Variants in ZNF18 observed in about 807,000 individuals in gnomAD.
ZNF18 encodes zinc finger protein 18.
Under a neutral mutation model 58.1 loss-of-function variants are expected in ZNF18, and 42 were observed. That is an observed-to-expected ratio of 0.72 (90% confidence interval 0.56 to 0.93). The LOEUF (loss-of-function observed/expected upper bound fraction) is 0.93. Among genes scored for constraint, ZNF18 ranks in the 40% least tolerant of loss-of-function variants. The probability of loss-of-function intolerance (pLI) is 0.00; values close to 1 mark genes in which losing one functional copy is unlikely to be tolerated. For synonymous variants in ZNF18, 231 were observed against 239.8 expected (o/e 0.96, Z 0.34); for missense variants, 540 against 644.2 (o/e 0.84, Z 1.75).
chr17:11,990,944 C>T (rs777559579), intron 3 of ZNF18, 30 bp downstream of exon 3: 19 of 1,595,466 alleles, frequency 1.2e-5, no homozygotes, highest in Non-Finnish European at 1.5e-5. Flanking sequence ...AAAATCTCTC[C>T]AAGAGAACAC....
At chr17:11,997,651 A>G (rs756753554), upstream of ZNF18, 2 of 152,256 alleles carry the variant, frequency 1.3e-5, no homozygotes, top group Non-Finnish European at 2.9e-5. Flanking sequence ...AGCCAACGCC[A>G]TCCTCCGTTC....
At chr17:12,020,927 G>A in the ZNF18 span, 2 of 1,217,588 alleles carry the variant, frequency 1.6e-6, no homozygotes, top group Non-Finnish European at 2.0e-6. Flanking sequence ...GGCTCCGGGG[G>A]CGGCAGCGGC....
At chr17:12,018,205 T>A in the ZNF18 span, among the ~76,000 whole-genome samples, 1 of 152,260 alleles carries the variant, frequency 6.6e-6, no homozygotes, top group African/African-American at 2.4e-5. Flanking sequence ...TTAATTGCCT[T>A]CCCGTCTCCC....
At chr17:12,012,398 CTACAAAAATACTA>C in the ZNF18 span, among the ~76,000 whole-genome samples, 47 of 152,260 alleles carry the variant, frequency 3.1e-4, 1 homozygote, top group African/African-American at 1.1e-3. Flanking sequence ...TAATATTTTG[CTACAAAAATACTA>C]TATTCAGTAA....
chr17:11,984,662 A>G (rs1006277508), intron 4 of ZNF18, among the ~76,000 whole-genome samples: 1 of 151,978 alleles, frequency 6.6e-6, no homozygotes, highest in African/African-American at 2.4e-5. Context: ...CTATAGGCAC[A>G]TGCCACCGTG....
chr17:11,991,408 G>C (rs1968121116), intron 2 of ZNF18, among the ~76,000 whole-genome samples: 1 of 152,178 alleles, frequency 6.6e-6, no homozygotes, highest in African/African-American at 2.4e-5. Context: ...GCTTCTACTG[G>C]ATATGCGCCA....
Position 11,992,556 on chromosome 17 carries a change from T to C in ZNF18, c.274A>G (p.Ile92Val). 6.2e-7 allele frequency: 1 copy of C among 1,614,198 alleles called. No homozygotes were observed. The highest frequency in any genetic ancestry group is 8.5e-7 in the Non-Finnish European group (1 of 1,180,026). The change falls in exon 2 of 7, where the codon ATC (isoleucine) becomes GTC (valine). Residue 92 changes from isoleucine to valine, a missense_variant. By Grantham distance (29) the Ile-to-Val change is conservative. Coordinates refer to ENST00000580306, the MANE Select transcript of ZNF18 (RefSeq NM_001303281.2). Reference protein sequence around the residue: ...EILMLEQFLTILPGEIQMWVR... With the variant: ...EILMLEQFLTVLPGEIQMWVR... The stretch of plus-strand genomic sequence containing the variant: ...CACATCTGGATCTCCCCAGGCAGGA[T>C]GGTCAGAAACTGCTCCAACATGAGG...
intron 1 of ZNF18, among the ~76,000 whole-genome samples, chr17:11,994,067 C>T (rs1968314827): frequency 6.6e-6 from 1 of 151,958 alleles, no homozygotes; most frequent in Non-Finnish European, 1.5e-5. Context: ...TGGGTAAATC[C>T]TTAAATGTTA....
the ZNF18 span, among the ~76,000 whole-genome samples, chr17:12,007,454 C>T: frequency 6.6e-6 from 1 of 152,172 alleles, no homozygotes; most frequent in African/African-American, 2.4e-5. Context: ...ACTTTGACCC[C>T]TTGTTAGCTG....
intron 4 of ZNF18, among the ~76,000 whole-genome samples, chr17:11,985,790 A>G (rs1435439821): frequency 1.3e-5 from 2 of 152,210 alleles, no homozygotes; most frequent in African/African-American, 4.8e-5. Context: ...TATTACCATC[A>G]CATGCAGTCT....
At chr17:11,986,587 A>G (rs899159921) in intron 4 of ZNF18, among the ~76,000 whole-genome samples, 2 of 152,232 alleles carry the variant, frequency 1.3e-5, no homozygotes. Flanking sequence ...TTTAATTTTT[A>G]AAGTATAAAC....
the ZNF18 span, chr17:12,020,683 C>T: frequency 2.0e-5 from 7 of 353,252 alleles, no homozygotes; most frequent in East Asian, 2.9e-4. Flanking sequence ...TCACAGGTCG[C>T]GCACCCAGAG....
chr17:12,004,145 C>A, the ZNF18 span, among the ~76,000 whole-genome samples: 4 of 151,698 alleles, frequency 2.6e-5, no homozygotes, highest in Non-Finnish European at 5.9e-5. Flanking sequence ...GCAGGAGAAT[C>A]GCTTGAACCC....
At chr17:11,984,699 G>C (rs1445708835) in intron 4 of ZNF18, among the ~76,000 whole-genome samples, 1 of 152,042 alleles carries the variant, frequency 6.6e-6, no homozygotes. Flanking sequence ...ATTTTTAGTA[G>C]AGATGGGGTT....
intron 5 of ZNF18, 37 bp from the exon 6 acceptor site, chr17:11,983,444 T>C (rs202032742): frequency 7.2e-5 from 110 of 1,519,406 alleles, no homozygotes; most frequent in Admixed American, 1.7e-5. Context: ...CCTGGATGAA[T>C]AGGGAAGACT....
In ZNF18 at chr17:11,978,740, A is replaced by T; in HGVS notation, c.867T>A (p.Asp289Glu). The change falls in exon 7 of 7, where the codon GAT (aspartate) becomes GAA (glutamate). Residue 289 changes from aspartate to glutamate, a missense_variant. Transcript: ENST00000580306. ...EKIPRPTCIG[D>E]RQENDKENLN... ...GGTTCTCCTTGTCATTCTCTTGTCT[A>T]TCTCCTAAAAGAAGAAAGAAGATTT... 1 of 1,581,622 alleles carries T rather than the reference A, an allele frequency of 6.3e-7. No homozygotes were observed. The highest frequency in any genetic ancestry group is 8.5e-7 in the Non-Finnish European group (1 of 1,171,200).
At position 11,978,279 on chromosome 17, in the gene ZNF18, T is replaced by C. The variant is rs550778787; in HGVS notation, c.1328A>G (p.Lys443Arg). The C allele has an allele frequency of 1.9e-6, 3 of 1,607,448 alleles. No individual in the cohort carries two copies. The highest frequency in any genetic ancestry group is 2.5e-6 in the Non-Finnish European group (3 of 1,177,636). ...AAAGTCTGAACTCCGCAGAAAGGCT[T>C]TTTTGCAGATGGTGCACTGAAAGTA... ...ETYFQCTICK[K>R]AFLRSSDFVK... The change falls in exon 7 of 7, where the codon AAA becomes AGA. Residue 443 changes from lysine (K) to arginine (R), a missense_variant. Transcript: ENST00000580306.
chr17:12,009,462 TC>T, the ZNF18 span, among the ~76,000 whole-genome samples: 1 of 151,442 alleles, frequency 6.6e-6, no homozygotes, highest in Non-Finnish European at 1.5e-5. Flanking sequence ...TTTTTCTTTT[TC>T]TTTTTTCGAG....
At chr17:11,984,048 T>C in intron 5 of ZNF18, 65 bp downstream of exon 5, 1 of 1,476,276 alleles carries the variant, frequency 6.8e-7, no homozygotes, top group South Asian at 1.2e-5. Context: ...TATAAGTGCA[T>C]GGAAAATGCC....
Sources: gnomAD v4.1 joint callset for allele counts (sites outside exome capture counted in the v4.1 genomes callset) on GRCh38, gnomAD v4.1.1 for gene constraint, MANE v1.5 for transcripts, NCBI Gene and HGNC (gene_info 2026-07-23, HGNC 2026-07-21) for gene names.